Variants in AGBL1 observed in about 807,000 individuals in gnomAD.
AGBL1 encodes AGBL carboxypeptidase 1, also known as cytosolic carboxypeptidase 4.
Under a neutral mutation model 118.9 loss-of-function variants are expected in AGBL1, and 130 were observed. The observed-to-expected ratio is 1.09, with a 90% CI of 0.95 to 1.26. AGBL1 has a LOEUF of 1.26. AGBL1 is among the 50% of genes most tolerant of loss of function. The pLI is 0.00. For missense variants in AGBL1, 1,584 were observed against 1,298.1 expected, an observed-to-expected ratio of 1.22 and a Z score of -3.38; for synonymous variants, 555 against 478.9, an observed-to-expected ratio of 1.16 and a Z score of -2.08.
chr15:86,520,083 T>G (rs2083167295), intron 18 of AGBL1, among the ~76,000 whole-genome samples: 1 of 152,174 alleles, frequency 6.6e-6, no homozygotes, highest in African/African-American at 2.4e-5. Flanking sequence ...CACTTCTCCC[T>G]TCCATTCACC....
At chr15:86,710,382 T>G (rs2086535647) in intron 22 of AGBL1, among the ~76,000 whole-genome samples, 1 of 152,158 alleles carries the variant, frequency 6.6e-6, no homozygotes, top group Non-Finnish European at 1.5e-5. Context: ...AAACTGCAAA[T>G]AACATCCCAT....
intron 18 of AGBL1, among the ~76,000 whole-genome samples, chr15:86,438,405 A>C (rs4887459): frequency 2.6e-5 from 4 of 151,918 alleles, no homozygotes; most frequent in Admixed American, 2.6e-4. Flanking sequence ...AATATACTTT[A>C]TCTCTCTCTC....
chr15:86,137,666 A>G (rs375614049), intron 1 of AGBL1, among the ~76,000 whole-genome samples: 42 of 152,048 alleles, frequency 2.8e-4, no homozygotes, highest in East Asian at 1.6e-3. Flanking sequence ...CAGGTTTTCT[A>G]TTTCTGATCT....
At chr15:86,420,941 C>T (rs1177795177) in intron 18 of AGBL1, among the ~76,000 whole-genome samples, 2 of 152,066 alleles carry the variant, frequency 1.3e-5, no homozygotes, top group African/African-American at 4.8e-5. Flanking sequence ...ACAAATCCTC[C>T]AAGAAATATG....
intron 1 of AGBL1, among the ~76,000 whole-genome samples, chr15:86,112,905 CT>C (rs1359900687): frequency 6.6e-6 from 1 of 151,978 alleles, no homozygotes; most frequent in African/African-American, 2.4e-5. Context: ...TGTAAATTGC[CT>C]GTTTATTTCT....
chr15:86,829,715 G>C (rs892874934), intron 22 of AGBL1, among the ~76,000 whole-genome samples: 1 of 152,112 alleles, frequency 6.6e-6, no homozygotes, highest in Non-Finnish European at 1.5e-5. Flanking sequence ...GCAGATTTGA[G>C]GGAGAGATAT....
At chr15:86,292,113 G>A (rs1333526491) in intron 16 of AGBL1, among the ~76,000 whole-genome samples, 1 of 152,156 alleles carries the variant, frequency 6.6e-6, no homozygotes, top group Admixed American at 6.5e-5. Flanking sequence ...TCGCAATCCT[G>A]TGAAGATGTT....
chr15:86,245,053 A>G (rs1007805180), intron 6 of AGBL1, among the ~76,000 whole-genome samples: 5 of 152,212 alleles, frequency 3.3e-5, no homozygotes, highest in Admixed American at 6.5e-5. Flanking sequence ...CTCTCTGTTT[A>G]GGGTCATGTT....
chr15:86,698,924 T>C (rs1430135385), intron 22 of AGBL1, among the ~76,000 whole-genome samples: 1 of 152,002 alleles, frequency 6.6e-6, no homozygotes, highest in Non-Finnish European at 1.5e-5. Context: ...TATATGTAAT[T>C]TAGACTTCTT....
intron 1 of AGBL1, among the ~76,000 whole-genome samples, chr15:86,096,089 A>G (rs1191347075): frequency 6.6e-6 from 1 of 152,094 alleles, no homozygotes; most frequent in Non-Finnish European, 1.5e-5. Context: ...CTAGAACTGC[A>G]TGTCAAAAAT....
rs1596637379 is a variant in AGBL1, at chr15:86,922,144, G to T, written c.3222-65843G>T. ...ATAATCATAAATTAGAAGAAAAAAG[G>T]CTAATAAATATGAAACAAAGTTGAT... On this transcript the variant is annotated intron_variant, in intron 23 of 24. Transcript: ENST00000441037. 2.6e-5 allele frequency among the ~76,000 whole-genome samples: 4 copies of T among 152,086 alleles called. No homozygotes were observed. In the East Asian group the frequency reaches 7.7e-4, roughly 29 times the overall value.
intron 1 of AGBL1, among the ~76,000 whole-genome samples, chr15:86,084,693 T>C (rs1035427328): frequency 6.6e-6 from 1 of 152,226 alleles, no homozygotes; most frequent in Non-Finnish European, 1.5e-5. Flanking sequence ...TATTTATAAC[T>C]GATATCATCT....
chr15:86,272,534 TG>T (rs1567170780), intron 15 of AGBL1, among the ~76,000 whole-genome samples: 1 of 152,330 alleles, frequency 6.6e-6, no homozygotes, highest in East Asian at 1.9e-4. Flanking sequence ...TAAAAAAGTA[TG>T]ATCAGACATT....
At chr15:86,873,831 T>C (rs1270603878) in intron 22 of AGBL1, among the ~76,000 whole-genome samples, 1 of 152,190 alleles carries the variant, frequency 6.6e-6, no homozygotes, top group Non-Finnish European at 1.5e-5. Context: ...CTTTTGGTGG[T>C]AGTAATATTT....
chr15:86,612,087 G>A (rs77462552), intron 21 of AGBL1, among the ~76,000 whole-genome samples: 87 of 152,218 alleles, frequency 5.7e-4, no homozygotes, highest in African/African-American at 2.0e-3. Context: ...GAGGGAAAGA[G>A]AGAACCATCA....
intron 22 of AGBL1, among the ~76,000 whole-genome samples, chr15:86,697,071 GC>G: frequency 6.6e-6 from 1 of 151,856 alleles, no homozygotes. Context: ...ATGACTATGT[GC>G]CTAGGTATTG....
chr15:86,223,228 C>T (rs936378702), intron 5 of AGBL1, among the ~76,000 whole-genome samples: 1 of 152,106 alleles, frequency 6.6e-6, no homozygotes, highest in Admixed American at 6.5e-5. Context: ...TTGTGAACTT[C>T]CTAAAACAAA....
chr15:86,382,077 G>A (rs997491131), intron 17 of AGBL1, among the ~76,000 whole-genome samples: 3 of 152,120 alleles, frequency 2.0e-5, no homozygotes, highest in Admixed American at 6.5e-5. Flanking sequence ...CTCCCCCACC[G>A]CCCTGCCACA....
intron 21 of AGBL1, among the ~76,000 whole-genome samples, chr15:86,651,476 G>A (rs1052742952): frequency 1.1e-4 from 16 of 152,130 alleles, no homozygotes; most frequent in African/African-American, 3.9e-4. Flanking sequence ...TGTGAATTTG[G>A]AATTGTATAG....
Sources: allele counts gnomAD v4.1 joint callset (sites outside exome capture counted in the v4.1 genomes callset), GRCh38; gene constraint gnomAD v4.1.1; transcripts MANE v1.5; gene names NCBI Gene and HGNC (gene_info 2026-07-23, HGNC 2026-07-21).